STXBP5L: variants seen among roughly 807,000 people sequenced by gnomAD.
STXBP5L encodes syntaxin-binding protein 5-like.
A neutral mutation model predicts 144.5 loss-of-function variants in STXBP5L; 65 were observed. The ratio of observed to expected loss-of-function variants is 0.45; its 90% CI spans 0.37 to 0.55. The LOEUF (loss-of-function observed/expected upper bound fraction) is 0.55, where lower values mean the gene tolerates loss of function less well. STXBP5L is among the 20% of genes least tolerant of loss of function. The pLI, the probability that STXBP5L is intolerant of heterozygous loss-of-function variation, is 0.00. For synonymous variants in STXBP5L, 505 were observed against 469.6 expected (o/e 1.08, Z -0.97); for missense variants, 1,298 against 1,405.5 (o/e 0.92, Z 1.22).
At chr3:121,287,785 C>A (rs887941551) in intron 19 of STXBP5L, among the ~76,000 whole-genome samples, 1 of 151,732 alleles carries the variant, frequency 6.6e-6, no homozygotes, top group Admixed American at 6.6e-5. Flanking sequence ...GCCGAGATCG[C>A]GCCACTGCAC....
intron 19 of STXBP5L, among the ~76,000 whole-genome samples, chr3:121,315,899 G>A (rs1156568704): frequency 6.6e-6 from 1 of 151,798 alleles, no homozygotes. Flanking sequence ...CTACTTGAGA[G>A]GCTGAGGCAG....
At chr3:121,038,445 TGTG>T (rs1946911130) in intron 3 of STXBP5L, among the ~76,000 whole-genome samples, 2 of 152,028 alleles carry the variant, frequency 1.3e-5, no homozygotes, top group African/African-American at 2.4e-5. Flanking sequence ...CAAATTCAAT[TGTG>T]GTCAGAAACT....
chr3:121,004,381 G>T (rs529732511), intron 3 of STXBP5L, among the ~76,000 whole-genome samples: 2 of 152,160 alleles, frequency 1.3e-5, no homozygotes, highest in African/African-American at 4.8e-5. Flanking sequence ...GAATGCCTGT[G>T]ATTTTTGCCC....
chr3:121,314,375 C>T (rs1464700131), intron 19 of STXBP5L, among the ~76,000 whole-genome samples: 2 of 134,050 alleles, frequency 1.5e-5, no homozygotes, highest in African/African-American at 2.8e-5. Flanking sequence ...GCGGATCACT[C>T]GCGGTTAGGA....
At chr3:121,081,941 C>G (rs1318333280) in intron 5 of STXBP5L, among the ~76,000 whole-genome samples, 4 of 152,182 alleles carry the variant, frequency 2.6e-5, no homozygotes, top group Non-Finnish European at 5.9e-5. Flanking sequence ...CTGTATGGGT[C>G]TATTTCAAGA....
At chr3:120,915,352 A>G (rs1419940143) in intron 2 of STXBP5L, among the ~76,000 whole-genome samples, 3 of 152,132 alleles carry the variant, frequency 2.0e-5, no homozygotes. Context: ...ACTTTTAATA[A>G]TAGGATGATT....
At chr3:121,053,916 A>G (rs1386356611) in intron 5 of STXBP5L, among the ~76,000 whole-genome samples, 1 of 152,204 alleles carries the variant, frequency 6.6e-6, no homozygotes, top group African/African-American at 2.4e-5. Flanking sequence ...CAACCCCATC[A>G]AAAAGTGGGC....
intron 5 of STXBP5L, among the ~76,000 whole-genome samples, chr3:121,067,913 T>C (rs1432243719): frequency 6.6e-6 from 1 of 152,234 alleles, no homozygotes; most frequent in East Asian, 1.9e-4. Flanking sequence ...CATCTTTACT[T>C]TGTGTTTGCA....
intron 19 of STXBP5L, among the ~76,000 whole-genome samples, chr3:121,298,187 A>G (rs2051736467): frequency 6.6e-6 from 1 of 152,140 alleles, no homozygotes; most frequent in South Asian, 2.1e-4. Context: ...TATAATGGCC[A>G]TCCTAACAGG....
chr3:121,055,562 G>A (rs933071197), intron 5 of STXBP5L, among the ~76,000 whole-genome samples: 2 of 152,058 alleles, frequency 1.3e-5, no homozygotes, highest in Non-Finnish European at 2.9e-5. Flanking sequence ...CCAGGCTGGA[G>A]TGCAATGGTG....
At chr3:121,066,511 A>G (rs902242628) in intron 5 of STXBP5L, among the ~76,000 whole-genome samples, 5 of 152,012 alleles carry the variant, frequency 3.3e-5, no homozygotes, top group Admixed American at 3.3e-4. Context: ...GGTAAGTTAC[A>G]TCAGTTGATC....
intron 19 of STXBP5L, among the ~76,000 whole-genome samples, chr3:121,316,455 TCTTA>T (rs1036727345): frequency 2.2e-4 from 33 of 152,216 alleles, no homozygotes; most frequent in Middle Eastern, 3.2e-3. Flanking sequence ...CATCATGCTT[TCTTA>T]CTTACTATCT....
At chr3:120,934,702 T>G (rs1446386216) in intron 2 of STXBP5L, among the ~76,000 whole-genome samples, 1 of 152,108 alleles carries the variant, frequency 6.6e-6, no homozygotes, top group Non-Finnish European at 1.5e-5. Context: ...TTAAGGATTC[T>G]TATTTCCTCT....
chr3:121,255,076 T>C lies in STXBP5L; in HGVS notation c.1623T>C (p.Tyr541=). Residue 541 remains tyrosine (Y), a synonymous_variant, in exon 16 of 27, where the codon TAT becomes TAC. Transcript: ENST00000471454. Reference sequence around the variant, plus strand: ...GAGTCTCTGCATATGTCATAATTTATAAATTCAGCAGACATGAAATTACAA... The same window carrying C: ...GAGTCTCTGCATATGTCATAATTTACAAATTCAGCAGACATGAAATTACAA... The part of the protein sequence containing the change: ...VSGVSAYVII[Y]KFSRHEITTE... 6.2e-7 allele frequency: 1 copy of C among 1,602,816 alleles called. No individual in the cohort carries two copies. Among genetic ancestry groups the C allele is most frequent in the South Asian group, 1.1e-5 (1 of 88,576 alleles).
chr3:121,329,547 C>T (rs902908057), intron 20 of STXBP5L, among the ~76,000 whole-genome samples: 8 of 152,162 alleles, frequency 5.3e-5, no homozygotes, highest in Non-Finnish European at 8.8e-5. Context: ...CATGGAAATA[C>T]TCAAACAGTT....
At chr3:121,300,921 T>C (rs938643537) in intron 19 of STXBP5L, among the ~76,000 whole-genome samples, 13 of 152,130 alleles carry the variant, frequency 8.5e-5, no homozygotes, top group South Asian at 4.1e-4. Context: ...ACGTTAATTA[T>C]AAAAACATAA....
intron 3 of STXBP5L, among the ~76,000 whole-genome samples, chr3:121,035,810 A>G (rs771496650): frequency 2.0e-5 from 3 of 152,176 alleles, no homozygotes; most frequent in Non-Finnish European, 1.5e-5. Context: ...TGTCATTTTA[A>G]TGAATCTAGA....
At chr3:121,283,635 A>G (rs1221932704) in intron 19 of STXBP5L, among the ~76,000 whole-genome samples, 1 of 152,010 alleles carries the variant, frequency 6.6e-6, no homozygotes, top group East Asian at 1.9e-4. Flanking sequence ...ATGCTTTCAC[A>G]CTACAATGGC....
chr3:121,045,567 T>A, intron 5 of STXBP5L, 32 bp downstream of exon 5: 1 of 1,577,142 alleles, frequency 6.3e-7, no homozygotes, highest in Non-Finnish European at 8.6e-7. Flanking sequence ...AATTTCTTAA[T>A]GTACAACAAA....
Sources: allele counts gnomAD v4.1 joint callset (sites outside exome capture counted in the v4.1 genomes callset), GRCh38; gene constraint gnomAD v4.1.1; transcripts MANE v1.5; gene names NCBI Gene and HGNC (gene_info 2026-07-23, HGNC 2026-07-21).